Variants in IDH3G observed in about 807,000 individuals in gnomAD.
IDH3G encodes isocitrate dehydrogenase [NAD] subunit gamma, mitochondrial.
In IDH3G, 9 loss-of-function variants were observed where a neutral mutation model predicts 26.9. That is an observed-to-expected ratio of 0.34 (90% CI 0.20 to 0.58). The LOEUF (loss-of-function observed/expected upper bound fraction) is 0.58, where lower values mean the gene tolerates loss of function less well. Ranked by LOEUF, IDH3G falls within the 20% of genes least tolerant of loss-of-function variation. IDH3G has a pLI of 0.85. For synonymous variants in IDH3G, 181 were observed against 160.0 expected (o/e 1.13, Z -0.99); for missense variants, 250 against 372.8 (o/e 0.67, Z 2.71).
At chrX:153,787,329 A>C (rs981572064) in intron 8 of IDH3G, 135 bp downstream of exon 8, 35 of 874,212 alleles carry the variant, frequency 4.0e-5, no homozygotes, top group Admixed American at 2.9e-4. Context: ...CAAGGCCTCG[A>C]GGGCAACAGG....
At chrX:153,792,601 G>A (rs1776603452) in intron 1 of IDH3G, among the ~76,000 whole-genome samples, 1 of 112,459 alleles carries the variant, frequency 8.9e-6, no homozygotes, top group Non-Finnish European at 1.9e-5. Context: ...TTCAGCTGTG[G>A]CAGCAAGCCA....
At position 153,787,600 on chromosome X, in the gene IDH3G, G is replaced by A. The variant is rs782566818; in HGVS notation, c.541-3C>T. ...CTCTCCACCACTCCCGCCACACTCT[G>A]AGGAGGGCATGGGGAGAAGAGACCC... On this transcript the variant is annotated splice_polypyrimidine_tract_variant and splice_region_variant and intron_variant, in intron 7 of 12. Coordinates refer to ENST00000217901, the MANE Select transcript of IDH3G (RefSeq NM_004135.4). 6.9e-5 allele frequency: 84 copies of A among 1,209,463 alleles called. No homozygotes were observed. Among genetic ancestry groups the A allele is most frequent in the Non-Finnish European group, 9.3e-5 (83 of 894,853 alleles).
intron 5 of IDH3G, among the ~76,000 whole-genome samples, chrX:153,788,744 G>A (rs1231848672): frequency 8.8e-6 from 1 of 113,087 alleles, no homozygotes; most frequent in Non-Finnish European, 1.9e-5. Context: ...CCTGTGGCTG[G>A]CACAAAGGCC....
rs367890540 is a variant in IDH3G at position 153,787,031 on chromosome X, A to G, written c.777+20T>C. On this transcript the variant is annotated intron_variant, in intron 9 of 12. Transcript: ENST00000217901. ...CCCAGGGCACTCAGGGCAGGGGGAC[A>G]GCACTGGGCAGGCTAATACCTGCAT... is the stretch of plus-strand genomic sequence containing the variant. The G allele has an allele frequency of 1.7e-6, 2 of 1,191,239 alleles. No individual in the cohort carries two copies. The highest frequency in any genetic ancestry group is 2.3e-6 in the Non-Finnish European group (2 of 878,293).
intron 5 of IDH3G, 150 bp downstream of exon 5, chrX:153,789,562 A>C (rs1189772423): frequency 2.4e-5 from 11 of 460,652 alleles, no homozygotes; most frequent in East Asian, 1.5e-4. Flanking sequence ...CGCAAGAAAG[A>C]AAGCAAGAAA....
intron 10 of IDH3G, 150 bp from the exon 11 acceptor site, chrX:153,786,599 T>C (rs782074998): frequency 3.3e-5 from 20 of 607,083 alleles, no homozygotes; most frequent in Non-Finnish European, 4.6e-5. Context: ...TGGGGACAGA[T>C]AGCTTATGGG....
rs781881452 is a variant in IDH3G, at chrX:153,787,873, G to A, written c.490C>T (p.Leu164Phe). The A allele has an allele frequency of 8.3e-7, 1 of 1,210,302 alleles. No homozygotes were observed. The highest frequency in any genetic ancestry group is 1.1e-6 in the Non-Finnish European group (1 of 893,931). The change falls in exon 7 of 13, where the codon CTC (leucine) becomes TTC (phenylalanine). Residue 164 changes from leucine (L) to phenylalanine (F), a missense_variant. Leu to Phe is a conservative substitution (Grantham distance 22). This residue lies in a region of IDH3G where 201 missense variants were observed against 331.3 expected (regional missense o/e 0.61). Transcript: ENST00000217901. ...CCCTCTGTGTTCTCCCGGACAATGAGGATGTCTATGTCCTTGTGCCGGGTC... is the reference window on the plus strand; with the variant it reads ...CCCTCTGTGTTCTCCCGGACAATGAAGATGTCTATGTCCTTGTGCCGGGTC... Reference protein sequence around the residue: ...VVTRHKDIDILIVRENTEGEY... With the variant: ...VVTRHKDIDIFIVRENTEGEY...
Sources: gnomAD v4.1 joint callset for allele counts (sites outside exome capture counted in the v4.1 genomes callset) on GRCh38, gnomAD v4.1.1 for gene constraint, gnomAD v4.1.1 regional missense constraint, MANE v1.5 for transcripts, NCBI Gene and HGNC (gene_info 2026-07-23, HGNC 2026-07-21) for gene names.